ST8SIA2: variants seen among roughly 807,000 people sequenced by gnomAD.
ST8SIA2 encodes the protein alpha-2,8-sialyltransferase 8B.
Under a neutral mutation model 37.6 loss-of-function variants are expected in ST8SIA2, and 22 were observed. The observed-to-expected ratio is 0.58, with a 90% CI of 0.42 to 0.83. The LOEUF (loss-of-function observed/expected upper bound fraction) is 0.83. Among genes scored for constraint, ST8SIA2 ranks in the 40% least tolerant of loss-of-function variants. The pLI is 0.00. For synonymous variants in ST8SIA2, 205 were observed against 201.2 expected, an observed-to-expected ratio of 1.02 and a Z score of -0.16; for missense variants, 382 against 484.7, an observed-to-expected ratio of 0.79 and a Z score of 1.99.
intron 5 of ST8SIA2, among the ~76,000 whole-genome samples, chr15:92,449,293 C>T (rs920636941): frequency 6.6e-6 from 1 of 152,162 alleles, no homozygotes; most frequent in Non-Finnish European, 1.5e-5. Context: ...GGATTACGGC[C>T]TCTAGTTATT....
At chr15:92,443,344 G>C (rs999365320) in intron 4 of ST8SIA2, among the ~76,000 whole-genome samples, 2 of 152,154 alleles carry the variant, frequency 1.3e-5, no homozygotes, top group Non-Finnish European at 2.9e-5. Flanking sequence ...GCACAGGCAG[G>C]AAACCCAGGT....
intron 1 of ST8SIA2, among the ~76,000 whole-genome samples, chr15:92,405,094 TA>T (rs1362880685): frequency 3.3e-5 from 4 of 119,914 alleles, no homozygotes; most frequent in Admixed American, 9.0e-5. Flanking sequence ...ACCCTGTTCT[TA>T]AAAATTTTTT....
chr15:92,446,007 C>T lies in ST8SIA2; in HGVS notation c.842+1078C>T, dbSNP rs573556633. 9.6e-4 allele frequency among the ~76,000 whole-genome samples: 146 copies of T among 151,886 alleles called. 1 individual carries two copies. Among genetic ancestry groups the T allele is most frequent in the Admixed American group, 2.2e-3 (34 of 15,282 alleles). ...GTTTAATATTAATCATTCATTCACT[C>T]TCTTCCAGTTATCTATTGCAGTAAA... On this transcript the variant is annotated intron_variant, in intron 5 of 5. Transcript: ENST00000268164.
intron 1 of ST8SIA2, among the ~76,000 whole-genome samples, chr15:92,408,993 C>T (rs2049530073): frequency 6.6e-6 from 1 of 152,158 alleles, no homozygotes; most frequent in Admixed American, 6.5e-5. Flanking sequence ...CATGAGCTAC[C>T]ATGCCCAGCT....
chr15:92,438,791 C>T (rs1299776681), intron 4 of ST8SIA2, among the ~76,000 whole-genome samples, 181 bp downstream of exon 4: 3 of 152,214 alleles, frequency 2.0e-5, no homozygotes, highest in Non-Finnish European at 4.4e-5. Flanking sequence ...CCAGAATGTA[C>T]CTCAAACCAA....
chr15:92,454,584 C>T (rs955587090), intron 5 of ST8SIA2, among the ~76,000 whole-genome samples: 2 of 152,088 alleles, frequency 1.3e-5, no homozygotes, highest in East Asian at 1.9e-4. Flanking sequence ...AATTTCTGCC[C>T]ATCTGAGGCA....
At chr15:92,427,986 A>C (rs996038223) in intron 1 of ST8SIA2, among the ~76,000 whole-genome samples, 6 of 152,212 alleles carry the variant, frequency 3.9e-5, no homozygotes, top group Non-Finnish European at 5.9e-5. Flanking sequence ...CGGTCTCAAA[A>C]AAACAAACAA....
At chr15:92,456,070 G>A (rs1346938646) in intron 5 of ST8SIA2, among the ~76,000 whole-genome samples, 1 of 152,246 alleles carries the variant, frequency 6.6e-6, no homozygotes, top group Admixed American at 6.5e-5. Context: ...CAGCCAGAAG[G>A]CTTAAGCCCC....
At chr15:92,422,786 A>G (rs1312313994) in intron 1 of ST8SIA2, 1 of 152,636 alleles carries the variant, frequency 6.6e-6, no homozygotes, top group South Asian at 2.1e-4. Flanking sequence ...CTCCTAGCCA[A>G]GTAAGTTCTG....
At chr15:92,430,259 G>C (rs569684254) in intron 2 of ST8SIA2, 148 bp downstream of exon 2, 14 of 822,920 alleles carry the variant, frequency 1.7e-5, no homozygotes, top group South Asian at 7.5e-5. Flanking sequence ...ATCACTTTTG[G>C]GGGGAGCTGT....
intron 1 of ST8SIA2, among the ~76,000 whole-genome samples, chr15:92,426,206 G>T (rs2049674537): frequency 6.6e-6 from 1 of 152,016 alleles, no homozygotes; most frequent in Admixed American, 6.6e-5. Context: ...TGAGAAGAAG[G>T]TGGCAAATGC....
At chr15:92,429,331 C>T (rs1018722547) in intron 1 of ST8SIA2, among the ~76,000 whole-genome samples, 9 of 152,112 alleles carry the variant, frequency 5.9e-5, no homozygotes, top group Admixed American at 3.9e-4. Context: ...GTCAGTGAAG[C>T]GGGATGAAAC....
chr15:92,414,538 T>A (rs761906659), intron 1 of ST8SIA2, among the ~76,000 whole-genome samples: 2 of 152,220 alleles, frequency 1.3e-5, no homozygotes, highest in East Asian at 3.9e-4. Context: ...AATCTTGGCA[T>A]GCGATGCTTA....
At chr15:92,445,145 G>C (rs2049832947) in intron 5 of ST8SIA2, 5 of 663,766 alleles carry the variant, frequency 7.5e-6, no homozygotes, top group Non-Finnish European at 1.3e-5. Context: ...TTGACCAATG[G>C]GTAGTGCCTG....
At position 92,413,065 on chromosome 15, in the gene ST8SIA2, C is replaced by T. The variant is rs567665614; in HGVS notation, c.99-16984C>T. On this transcript the variant is annotated intron_variant, in intron 1 of 5. Transcript: ENST00000268164. ...TAGGGTGGGGAGGGGGGTGAGTGTG[C>T]GTTTGTTTCATGTCCCCAAATTTCT... Among the ~76,000 whole-genome samples, 210 of 152,128 alleles carry T rather than the reference C, an allele frequency of 1.4e-3. 1 individual carries two copies. The highest frequency in any genetic ancestry group is 4.8e-3 in the African/African-American group (201 of 41,502).
intron 3 of ST8SIA2, among the ~76,000 whole-genome samples, chr15:92,435,348 A>G (rs915387511): frequency 6.6e-6 from 1 of 152,152 alleles, no homozygotes; most frequent in African/African-American, 2.4e-5. Context: ...GATAATTAGG[A>G]GTTCACCAAG....
chr15:92,400,451 T>G (rs1314353434), intron 1 of ST8SIA2, among the ~76,000 whole-genome samples: 1 of 152,176 alleles, frequency 6.6e-6, no homozygotes, highest in Non-Finnish European at 1.5e-5. Context: ...CTAACAACAA[T>G]TAAACACCCT....
rs535785739 is a variant in ST8SIA2 at position 92,399,577 on chromosome 15, A to C, written c.98+5415A>C. On this transcript the variant is annotated intron_variant, in intron 1 of 5. Coordinates refer to ENST00000268164, the MANE Select transcript of ST8SIA2 (RefSeq NM_006011.4). Reference sequence around the variant, plus strand: ...AGTCCAGGCACTCTGTAAGAAGTACACGTTTGCTCAACACGATGCATTTTT... The same window carrying C: ...AGTCCAGGCACTCTGTAAGAAGTACCCGTTTGCTCAACACGATGCATTTTT... Among the ~76,000 whole-genome samples the C allele has an allele frequency of 2.0e-5, 3 of 152,228 alleles. No individual in the cohort carries two copies. In the East Asian group the frequency reaches 5.8e-4, roughly 29 times the overall value.
intron 1 of ST8SIA2, among the ~76,000 whole-genome samples, chr15:92,405,985 C>G (rs1209363716): frequency 6.6e-6 from 1 of 152,136 alleles, no homozygotes; most frequent in Non-Finnish European, 1.5e-5. Context: ...TCCAGAAGTC[C>G]CTTTCTTTAT....
Sources: allele counts gnomAD v4.1 joint callset (sites outside exome capture counted in the v4.1 genomes callset), GRCh38; gene constraint gnomAD v4.1.1; transcripts MANE v1.5; gene names NCBI Gene and HGNC (gene_info 2026-07-23, HGNC 2026-07-21).